The following ODF2 variants were observed in gnomAD, a reference collection of about 807,000 sequenced individuals.
ODF2 encodes outer dense fiber of sperm tails 2.
A neutral mutation model predicts 110.2 loss-of-function variants in ODF2; 47 were observed. The observed-to-expected ratio is 0.43, with a 90% CI of 0.34 to 0.54. The LOEUF is 0.54. ODF2 is among the 20% of genes least tolerant of loss of function. The pLI is 0.03. For missense variants in ODF2, 812 were observed against 1,054.5 expected (o/e 0.77, Z 3.19); for synonymous variants, 352 against 397.7 (o/e 0.89, Z 1.37).
chr9:128,455,430 A>C (rs1166392491), upstream of ODF2: 1 of 371,210 alleles, frequency 2.7e-6, no homozygotes, highest in Non-Finnish European at 4.9e-6. Context: ...GGCGGGCGCC[A>C]GTAGTCCCAG....
At chr9:128,469,121 G>A in intron 4 of ODF2, 62 bp from the exon 5 acceptor site, 2 of 1,524,382 alleles carry the variant, frequency 1.3e-6, no homozygotes, top group East Asian at 4.5e-5. Context: ...GCCTCCAGTG[G>A]TGGAACTCGT....
At chr9:128,483,757 G>C (rs376268320) in intron 10 of ODF2, among the ~76,000 whole-genome samples, 181 bp from the exon 11 acceptor site, 3 of 151,726 alleles carry the variant, frequency 2.0e-5, no homozygotes, top group Non-Finnish European at 4.4e-5. Flanking sequence ...TTGATGGCAC[G>C]TGACTGTAAC....
chr9:128,484,022 G>T lies in ODF2; in HGVS notation c.1072G>T (p.Ala358Ser), dbSNP rs1271684938. The T allele has an allele frequency of 1.2e-6, 2 of 1,613,086 alleles. No individual in the cohort carries two copies. Among genetic ancestry groups the T allele is most frequent in the Non-Finnish European group, 1.7e-6 (2 of 1,179,940 alleles). ...GCAGGCACAGCTTCGGTCCAAAGAG[G>T]CTGAGAACAGTCGCCTGTGCATGCA... Residue 358 changes from alanine (A) to serine (S), a missense_variant, in exon 11 of 21, where the codon GCT becomes TCT. Coordinates refer to ENST00000604420, the Ensembl canonical transcript of ODF2.
chr9:128,485,275 G>A lies in ODF2; in HGVS notation c.1291-90G>A, dbSNP rs553226028. 9 of 707,662 alleles carry A rather than the reference G, an allele frequency of 1.3e-5. No individual in the cohort carries two copies. The East Asian group carries it at 2.1e-4, about 17-fold the overall frequency. The allele number at this position is 707,662 out of a possible 1,614,324, so 43.8% of individuals were successfully genotyped here. A position where few individuals can be genotyped will look rare whatever the true frequency, so the allele number is the denominator to read the frequency against. On this transcript the variant is annotated intron_variant, in intron 12 of 20. Transcript: ENST00000604420. This position sits in a 1 kb window ranked among gnomAD's most constrained non-coding sequence, Gnocchi z 5.0. Reference sequence around the variant, plus strand: ...AGAATGAGGTTTAGGTTACCAGGGTGAGAAACCACCTAGGATGAGCCCGCT... The same window carrying A: ...AGAATGAGGTTTAGGTTACCAGGGTAAGAAACCACCTAGGATGAGCCCGCT...
intron 19 of ODF2, 42 bp downstream of exon 19, chr9:128,498,617 G>T (rs1439364251): frequency 5.4e-6 from 6 of 1,120,906 alleles, no homozygotes; most frequent in Non-Finnish European, 1.3e-6. Flanking sequence ...GTGACCTTGG[G>T]CAAATCACCT....
rs866520240 is a variant in ODF2 at position 128,456,836 on chromosome 9, G to C, written c.-208-362G>C. 18 of 1,306,720 alleles carry C rather than the reference G, an allele frequency of 1.4e-5. 1 individual carries two copies. In the Middle Eastern group the frequency reaches 8.7e-4, roughly 63 times the overall value. 80.9% of individuals were successfully genotyped at this position (1,306,720 alleles called of 1,614,324 possible). On this transcript the variant is annotated intron_variant, in intron 1 of 20. Transcript: ENST00000604420. ...CTCTGTTCGGTTTTCCCTCGCGGCGGGGCGCCCGGGGCCCGTGCAACCTCC... is the reference window on the plus strand; with the variant it reads ...CTCTGTTCGGTTTTCCCTCGCGGCGCGGCGCCCGGGGCCCGTGCAACCTCC...
chr9:128,460,060 T>A, intron 3 of ODF2: 1 of 1,072,162 alleles, frequency 9.3e-7, no homozygotes, highest in Non-Finnish European at 1.3e-6. Context: ...AGGATTTCCT[T>A]CAGCTTTCTG....
chr9:128,457,116 C>A, intron 1 of ODF2: 1 of 1,415,552 alleles, frequency 7.1e-7, no homozygotes, highest in Non-Finnish European at 9.3e-7. Flanking sequence ...TCCTTTCCCT[C>A]GCGGTTCTGC....
intron 17 of ODF2, among the ~76,000 whole-genome samples, chr9:128,495,163 A>G (rs1845373324): frequency 6.6e-6 from 1 of 152,252 alleles, no homozygotes; most frequent in Non-Finnish European, 1.5e-5. Flanking sequence ...GCAGTGTCCA[A>G]GAAATTATAT....
exon 16 of ODF2, chr9:128,492,750 G>A (rs1487783616): frequency 4.3e-6 from 7 of 1,614,196 alleles, no homozygotes; most frequent in Non-Finnish European, 5.1e-6. Flanking sequence ...CAGCTAGAAC[G>A]CTGTGACAAA....
chr9:128,492,597 G>A (rs368279433), intron 15 of ODF2, 61 bp downstream of exon 15: 2 of 1,520,528 alleles, frequency 1.3e-6, no homozygotes, highest in African/African-American at 1.4e-5. Flanking sequence ...CATCAGACTG[G>A]GGGCTCCCTA....
At chr9:128,469,063 G>C (rs1194659348) in intron 4 of ODF2, 120 bp from the exon 5 acceptor site, 16 of 836,764 alleles carry the variant, frequency 1.9e-5, no homozygotes, top group Non-Finnish European at 3.1e-5. Context: ...TTCTTCCTGG[G>C]GTCCCCGAGT....
intron 1 of ODF2, chr9:128,456,804 C>A: frequency 8.8e-7 from 1 of 1,137,584 alleles, no homozygotes; most frequent in Non-Finnish European, 1.2e-6. Context: ...GTCTATCCTG[C>A]TCAGAACTCT....
At position 128,460,594 on chromosome 9, in the gene ODF2, T is replaced by G. The variant is rs1449795798; in HGVS notation, c.124-348T>G. 3 of 1,613,938 alleles carry G rather than the reference T, an allele frequency of 1.9e-6. No individual in the cohort carries two copies. The South Asian group carries it at 3.3e-5, about 18-fold the overall frequency. On this transcript the variant is annotated intron_variant, in intron 3 of 20. Transcript: ENST00000604420. ...GCTCTTCAACTCCCCCCTTACATGTTCACGTGGATGAGAACACCCCTGTCC... is the reference window on the plus strand; with the variant it reads ...GCTCTTCAACTCCCCCCTTACATGTGCACGTGGATGAGAACACCCCTGTCC...
At chr9:128,470,357 G>A (rs550885691) in intron 5 of ODF2, among the ~76,000 whole-genome samples, 3 of 151,846 alleles carry the variant, frequency 2.0e-5, no homozygotes, top group African/African-American at 4.8e-5. Flanking sequence ...TTGGCCAGGC[G>A]TGGTGGCTCA....
intron 8 of ODF2, among the ~76,000 whole-genome samples, chr9:128,478,389 G>T (rs1442556693): frequency 6.6e-6 from 1 of 152,118 alleles, no homozygotes; most frequent in Non-Finnish European, 1.5e-5. Context: ...CCTGAGCTCA[G>T]GAATTTGAGA....
Position 128,483,682 on chromosome 9 carries a change from C to T in ODF2, c.988-256C>T, listed in dbSNP as rs1330764394. Among the ~76,000 whole-genome samples the T allele has an allele frequency of 7.9e-5, 12 of 151,752 alleles. No individual in the cohort carries two copies. In the South Asian group the frequency reaches 1.2e-3, roughly 16 times the overall value. On this transcript the variant is annotated intron_variant, in intron 10 of 20. Coordinates refer to ENST00000604420, the Ensembl canonical transcript of ODF2. ...GGTGGATCACTTGAGGTCAGGAGAT[C>T]GAGACCAGTCTGGCCAACATGGTGA...
chr9:128,466,925 C>T (rs1477301873), intron 4 of ODF2, among the ~76,000 whole-genome samples: 14 of 128,258 alleles, frequency 1.1e-4, no homozygotes, highest in African/African-American at 3.8e-4. Flanking sequence ...TGCAGTGAGC[C>T]GAGATTGCAC....
chr9:128,463,848 A>G (rs1384001838), intron 4 of ODF2, among the ~76,000 whole-genome samples: 2 of 151,960 alleles, frequency 1.3e-5, no homozygotes, highest in Non-Finnish European at 2.9e-5. Flanking sequence ...ATTTTTATTT[A>G]TTTATTTACT....
Sources: allele counts gnomAD v4.1 joint callset (sites outside exome capture counted in the v4.1 genomes callset), GRCh38; gene constraint gnomAD v4.1.1; non-coding constraint Gnocchi (gnomAD v3.1); transcripts MANE v1.5; gene names NCBI Gene and HGNC (gene_info 2026-07-23, HGNC 2026-07-21).